The following DCN variants were observed in gnomAD, a reference collection of about 807,000 sequenced individuals.
DCN encodes decorin, also known as bone proteoglycan II.
In DCN, 17 loss-of-function variants were observed where a neutral mutation model predicts 36.5. The ratio of observed to expected loss-of-function variants is 0.47; its 90% CI spans 0.32 to 0.70. The LOEUF (loss-of-function observed/expected upper bound fraction) is 0.70. Among genes scored for constraint, DCN ranks in the 30% least tolerant of loss-of-function variants. DCN has a pLI of 0.04. For missense variants in DCN, 389 were observed against 430.1 expected (o/e 0.90, Z 0.84); for synonymous variants, 163 against 161.4 (o/e 1.01, Z -0.07).
intron 1 of DCN, among the ~76,000 whole-genome samples, chr12:91,181,579 T>A (rs1403122656): frequency 6.6e-6 from 1 of 152,108 alleles, no homozygotes; most frequent in African/African-American, 2.4e-5. Context: ...CTAGTTGCCA[T>A]AGTTTACAAA....
intron 2 of DCN, among the ~76,000 whole-genome samples, chr12:91,171,583 C>A (rs1009297167): frequency 6.6e-6 from 1 of 152,096 alleles, no homozygotes; most frequent in Admixed American, 6.5e-5. Context: ...AGCTGCTACC[C>A]AATTCTGGGA....
intron 3 of DCN, among the ~76,000 whole-genome samples, chr12:91,161,313 G>A (rs1328132912): frequency 1.3e-5 from 2 of 152,094 alleles, no homozygotes. Flanking sequence ...GATATAAAGG[G>A]TTTTTTTAAA....
chr12:91,162,332 A>C (rs531820505), intron 3 of DCN, among the ~76,000 whole-genome samples: 2 of 152,280 alleles, frequency 1.3e-5, no homozygotes, highest in East Asian at 3.9e-4. Flanking sequence ...TTTTCTTCTA[A>C]TGGCTAAATG....
chr12:91,158,199 C>G, intron 4 of DCN, 97 bp downstream of exon 4: 1 of 810,074 alleles, frequency 1.2e-6, no homozygotes, highest in East Asian at 2.4e-5. Context: ...AGGCATGTAG[C>G]TTGTAGCTAA....
chr12:91,174,824 T>C (rs1883190216), intron 2 of DCN, among the ~76,000 whole-genome samples: 1 of 152,144 alleles, frequency 6.6e-6, no homozygotes, highest in Non-Finnish European at 1.5e-5. Context: ...TATTTTAATT[T>C]TGGAGACTAG....
chr12:91,155,087 G>A (rs1480918299), intron 5 of DCN, among the ~76,000 whole-genome samples: 4 of 152,150 alleles, frequency 2.6e-5, no homozygotes, highest in East Asian at 1.9e-4. Context: ...GTGGAATCAT[G>A]TATTAGATAA....
intron 1 of DCN, chr12:91,180,337 AAAAGG>A (rs1883517399): frequency 6.6e-6 from 1 of 151,702 alleles, no homozygotes; most frequent in African/African-American, 2.4e-5. Flanking sequence ...AGGAAGAAAG[AAAAGG>A]AAAGAAAGAA....
rs1031554347 is a variant in DCN, at chr12:91,143,299, T to C, written c.*2759A>G. 8 of 152,154 alleles carry C rather than the reference T, an allele frequency of 5.3e-5. No individual in the cohort carries two copies. Among genetic ancestry groups the C allele is most frequent in the Non-Finnish European group, 5.9e-5 (4 of 68,026 alleles). 9.4% of individuals were successfully genotyped at this position (152,154 alleles called of 1,614,324 possible). A position where few individuals can be genotyped will look rare whatever the true frequency, so the allele number is the denominator to read the frequency against. ...CTGTTGTTTTAAGCCACCCAGTTTT[T>C]GGTACTTTATTATAGCAGCTGTGAG... On this transcript the variant is annotated 3_prime_UTR_variant, in exon 8 of 8. Coordinates refer to ENST00000052754, the MANE Select transcript of DCN (RefSeq NM_001920.5).
At chr12:91,173,866 T>C (rs1883128359) in intron 2 of DCN, among the ~76,000 whole-genome samples, 1 of 152,188 alleles carries the variant, frequency 6.6e-6, no homozygotes, top group Non-Finnish European at 1.5e-5. Flanking sequence ...ATGTCCCAAG[T>C]GGTAACTTCT....
rs1421993178 is a variant in DCN at position 91,182,739 on chromosome 12, A to C, written c.-118T>G. 6.6e-6 allele frequency: 1 copy of C among 152,042 alleles called. No homozygotes were observed. The highest frequency in any genetic ancestry group is 2.1e-4 in the South Asian group (1 of 4,822). The allele number at this position is 152,042 out of a possible 1,614,324, so 9.4% of individuals were successfully genotyped here. On this transcript the variant is annotated 5_prime_UTR_variant, in exon 1 of 8. Coordinates refer to ENST00000052754, the MANE Select transcript of DCN (RefSeq NM_001920.5). Reference sequence around the variant, plus strand: ...ATTCAGCCCAAGTAAAAGAGTTTGCAGGTGTGGAAAGGAGGAGGGGGTAGG... The same window carrying C: ...ATTCAGCCCAAGTAAAAGAGTTTGCCGGTGTGGAAAGGAGGAGGGGGTAGG...
chr12:91,172,965 C>T, intron 2 of DCN: 1 of 456,048 alleles, frequency 2.2e-6, no homozygotes, highest in Non-Finnish European at 3.8e-6. Flanking sequence ...ATAATCAAAG[C>T]AAATGTAGAT....
chr12:91,170,875 A>G (rs1405703307), intron 2 of DCN, among the ~76,000 whole-genome samples: 1 of 152,202 alleles, frequency 6.6e-6, no homozygotes, highest in Non-Finnish European at 1.5e-5. Flanking sequence ...AAAAATATAA[A>G]AACAGATAGT....
chr12:91,178,741 A>T (rs370660189), intron 1 of DCN, among the ~76,000 whole-genome samples, 156 bp from the exon 2 acceptor site: 2 of 152,150 alleles, frequency 1.3e-5, no homozygotes, highest in East Asian at 1.9e-4. Context: ...GTATTGAAAG[A>T]CAATCAGGTA....
At position 91,164,599 on chromosome 12, in the gene DCN, T is replaced by A; in HGVS notation, c.324+6A>T. 1 of 1,515,196 alleles carries A rather than the reference T, an allele frequency of 6.6e-7. No individual in the cohort carries two copies. The allele number at this position is 1,515,196 out of a possible 1,614,324, so 93.9% of individuals were successfully genotyped here. A position where few individuals can be genotyped will look rare whatever the true frequency, so the allele number is the denominator to read the frequency against. ...TTATTGTGAGTTAAAAAAAAATAGT[T>A]CTTACGTGAAGGTTCTTCAGGTTCT... On this transcript the variant is annotated splice_donor_region_variant and intron_variant, in intron 3 of 7. Coordinates refer to ENST00000052754, the MANE Select transcript of DCN (RefSeq NM_001920.5).
At chr12:91,155,084 C>G (rs1881675076) in intron 5 of DCN, among the ~76,000 whole-genome samples, 1 of 152,106 alleles carries the variant, frequency 6.6e-6, no homozygotes, top group East Asian at 1.9e-4. Context: ...AAGGTGGAAT[C>G]ATGTATTAGA....
intron 3 of DCN, among the ~76,000 whole-genome samples, chr12:91,159,657 A>G (rs1025593864): frequency 3.3e-5 from 5 of 151,584 alleles, no homozygotes; most frequent in African/African-American, 1.2e-4. Context: ...TAATTATTTG[A>G]TTTTTATTTC....
chr12:91,163,631 G>A (rs969322670), intron 3 of DCN, among the ~76,000 whole-genome samples: 3 of 152,066 alleles, frequency 2.0e-5, no homozygotes, highest in African/African-American at 7.2e-5. Context: ...CTGACTGATA[G>A]ACTGAACATT....
chr12:91,154,339 C>A (rs1455559655), intron 5 of DCN, among the ~76,000 whole-genome samples: 1 of 152,098 alleles, frequency 6.6e-6, no homozygotes, highest in Non-Finnish European at 1.5e-5. Flanking sequence ...TACTTCAAAT[C>A]CTTTAAGCCT....
chr12:91,153,317 C>G (rs1881555771), intron 5 of DCN, 128 bp from the exon 6 acceptor site: 3 of 678,730 alleles, frequency 4.4e-6, no homozygotes, highest in Middle Eastern at 2.9e-4. Flanking sequence ...ATCAGCTTTA[C>G]TTTTATCTTT....
Sources: allele counts gnomAD v4.1 joint callset (sites outside exome capture counted in the v4.1 genomes callset), GRCh38; gene constraint gnomAD v4.1.1; transcripts MANE v1.5; gene names NCBI Gene and HGNC (gene_info 2026-07-23, HGNC 2026-07-21).